CACNA2D1: variants seen among roughly 807,000 people sequenced by gnomAD.
The protein encoded by CACNA2D1 is calcium voltage-gated channel auxiliary subunit alpha2delta 1, also known as voltage-dependent calcium channel subunit alpha-2/delta-1.
A neutral mutation model predicts 171.5 loss-of-function variants in CACNA2D1; 53 were observed. The ratio of observed to expected loss-of-function variants is 0.31; its 90% CI spans 0.25 to 0.39. CACNA2D1 has a LOEUF of 0.39. Among genes scored for constraint, CACNA2D1 ranks in the 10% least tolerant of loss-of-function variants. The pLI is 1.00. For synonymous variants in CACNA2D1, 442 were observed against 443.1 expected (o/e 1.00, Z 0.03); for missense variants, 903 against 1,299.8 (o/e 0.69, Z 4.69).
At chr7:82,284,199 A>AT (rs1810482149) in intron 3 of CACNA2D1, among the ~76,000 whole-genome samples, 1 of 151,636 alleles carries the variant, frequency 6.6e-6, no homozygotes, top group Non-Finnish European at 1.5e-5. Flanking sequence ...AAAAAAAAAA[A>AT]GAAAAAAAAG....
chr7:82,153,243 G>C (rs765041553), intron 4 of CACNA2D1, among the ~76,000 whole-genome samples: 9 of 151,850 alleles, frequency 5.9e-5, no homozygotes, highest in Non-Finnish European at 1.2e-4. Flanking sequence ...TTATTCTGTT[G>C]AGATGACCAG....
chr7:82,408,537 T>C (rs1201300574), intron 1 of CACNA2D1, among the ~76,000 whole-genome samples: 1 of 152,156 alleles, frequency 6.6e-6, no homozygotes, highest in Non-Finnish European at 1.5e-5. Flanking sequence ...CTGGGGGAAG[T>C]TGTAAACATA....
chr7:82,374,911 ATCATT>A (rs1437529073), intron 1 of CACNA2D1, among the ~76,000 whole-genome samples: 1 of 151,870 alleles, frequency 6.6e-6, no homozygotes. Context: ...TCTCAATAAA[ATCATT>A]TTGAAAGTAG....
intron 9 of CACNA2D1, among the ~76,000 whole-genome samples, chr7:82,063,811 C>A (rs1807255831): frequency 1.3e-5 from 2 of 151,894 alleles, no homozygotes; most frequent in Non-Finnish European, 1.5e-5. Flanking sequence ...AACATAAAAA[C>A]TCAAGGAATT....
intron 6 of CACNA2D1, among the ~76,000 whole-genome samples, chr7:82,093,667 T>C (rs1171876627): frequency 6.6e-6 from 1 of 152,158 alleles, no homozygotes; most frequent in Non-Finnish European, 1.5e-5. Context: ...CAATGGCATA[T>C]TCCAAGTGTT....
intron 3 of CACNA2D1, among the ~76,000 whole-genome samples, chr7:82,305,679 T>C (rs1297735264): frequency 6.6e-6 from 1 of 152,232 alleles, no homozygotes; most frequent in Admixed American, 6.5e-5. Flanking sequence ...CCTTGAGTTT[T>C]CATATTTTCT....
At chr7:82,172,169 G>A (rs1331792475) in intron 3 of CACNA2D1, among the ~76,000 whole-genome samples, 1 of 152,130 alleles carries the variant, frequency 6.6e-6, no homozygotes, top group East Asian at 1.9e-4. Context: ...TATATAAGAA[G>A]CTAGGAAATG....
In CACNA2D1 at chr7:82,174,355, C is replaced by T. The variant is rs533344770; in HGVS notation, c.295-3746G>A. On this transcript the variant is annotated intron_variant, in intron 3 of 38. Coordinates refer to ENST00000356860, the MANE Select transcript of CACNA2D1 (RefSeq NM_000722.4). The stretch of plus-strand genomic sequence containing the variant: ...ATATTCAGCAAGGTTTATTAAATGG[C>T]TTTATTGTAACTGAGATACCACATG... Among the ~76,000 whole-genome samples the T allele has an allele frequency of 2.6e-5, 4 of 152,012 alleles. No individual in the cohort carries two copies. In the East Asian group the frequency reaches 7.8e-4, roughly 29 times the overall value.
At chr7:82,115,467 G>A (rs1788933516) in intron 6 of CACNA2D1, among the ~76,000 whole-genome samples, 1 of 151,872 alleles carries the variant, frequency 6.6e-6, no homozygotes. Context: ...AATAGTCTCA[G>A]TTGTATTGTA....
At chr7:82,408,203 A>G (rs2129453629) in intron 1 of CACNA2D1, among the ~76,000 whole-genome samples, 1 of 151,820 alleles carries the variant, frequency 6.6e-6, no homozygotes, top group South Asian at 2.1e-4. Context: ...TTTTATTTTT[A>G]GTAGAGGCGG....
At chr7:82,168,377 A>C (rs12531550) in intron 4 of CACNA2D1, among the ~76,000 whole-genome samples, 43,533 of 151,978 alleles carry the variant, frequency 0.29, 6,289 homozygotes, top group Middle Eastern at 0.37. Flanking sequence ...CTTCTGGCCT[A>C]AAGTAATCCA....
At chr7:82,393,955 C>G (rs763078584) in intron 1 of CACNA2D1, among the ~76,000 whole-genome samples, 13 of 152,000 alleles carry the variant, frequency 8.6e-5, no homozygotes, top group Non-Finnish European at 1.8e-4. Flanking sequence ...AATTAGGGAG[C>G]AACAGAAAGG....
Position 82,117,305 on chromosome 7 carries a change from T to C in CACNA2D1, c.397-132A>G, listed in dbSNP as rs537267295. 233 of 830,160 alleles carry C rather than the reference T, an allele frequency of 2.8e-4. 1 individual carries two copies. The East Asian group carries it at 6.0e-3, about 21-fold the overall frequency. The allele number at this position is 830,160 out of a possible 1,614,324, so 51.4% of individuals were successfully genotyped here. On this transcript the variant is annotated intron_variant, in intron 5 of 38. Coordinates refer to ENST00000356860, the MANE Select transcript of CACNA2D1 (RefSeq NM_000722.4). ...CAACAATTGTTTAAAATATAGTACC[T>C]TGATAGCATTGGATACACAAATTTC... is the stretch of plus-strand genomic sequence containing the variant.
At chr7:82,012,327 A>C (rs777802410) in intron 14 of CACNA2D1, 84 bp from the exon 15 acceptor site, 2 of 763,334 alleles carry the variant, frequency 2.6e-6, no homozygotes, top group Non-Finnish European at 4.6e-6. Context: ...AAAATATTCT[A>C]GAGTTAAAAA....
chr7:82,051,267 C>T (rs1472608067), intron 10 of CACNA2D1, among the ~76,000 whole-genome samples: 1 of 152,124 alleles, frequency 6.6e-6, no homozygotes, highest in Non-Finnish European at 1.5e-5. Context: ...GAAAAGCTTC[C>T]AGCTGGGAAA....
At chr7:82,142,157 C>T (rs891957411) in intron 4 of CACNA2D1, among the ~76,000 whole-genome samples, 4 of 152,164 alleles carry the variant, frequency 2.6e-5, no homozygotes, top group Non-Finnish European at 5.9e-5. Flanking sequence ...AGCTATTTTT[C>T]ATAATTTAAG....
chr7:82,165,935 CT>C (rs945425487), intron 4 of CACNA2D1, among the ~76,000 whole-genome samples: 3 of 151,978 alleles, frequency 2.0e-5, no homozygotes, highest in Non-Finnish European at 4.4e-5. Flanking sequence ...TACGCTCTCA[CT>C]TTTTATCCCT....
At chr7:81,953,625 G>A (rs1004974064) in intron 38 of CACNA2D1, among the ~76,000 whole-genome samples, 1 of 151,766 alleles carries the variant, frequency 6.6e-6, no homozygotes, top group Non-Finnish European at 1.5e-5. Context: ...ACATAGCAAC[G>A]ATTTGATAAA....
intron 3 of CACNA2D1, among the ~76,000 whole-genome samples, chr7:82,234,650 G>A (rs969782885): frequency 4.6e-5 from 7 of 152,096 alleles, no homozygotes; most frequent in African/African-American, 1.7e-4. Flanking sequence ...GGGGGCCGTA[G>A]CTATCTTCTT....
Sources: allele counts gnomAD v4.1 joint callset (sites outside exome capture counted in the v4.1 genomes callset), GRCh38; gene constraint gnomAD v4.1.1; transcripts MANE v1.5; gene names NCBI Gene and HGNC (gene_info 2026-07-23, HGNC 2026-07-21).